The following NDC1 variants were observed in gnomAD, a reference collection of about 807,000 sequenced individuals.
NDC1 encodes nucleoporin NDC1.
A neutral mutation model predicts 89.8 loss-of-function variants in NDC1; 24 were observed. That is an observed-to-expected ratio of 0.27 (90% CI 0.19 to 0.38). The LOEUF (loss-of-function observed/expected upper bound fraction) is 0.38. NDC1 is among the 10% of genes least tolerant of loss of function. The probability of loss-of-function intolerance (pLI) is 1.00; values close to 1 mark genes in which losing one functional copy is unlikely to be tolerated. For synonymous variants in NDC1, 296 were observed against 284.8 expected, an observed-to-expected ratio of 1.04 and a Z score of -0.39; for missense variants, 728 against 797.6, an observed-to-expected ratio of 0.91 and a Z score of 1.05.
intron 9 of NDC1, 104 bp downstream of exon 9, chr1:53,806,321 T>C: frequency 1.5e-6 from 1 of 669,244 alleles, no homozygotes; most frequent in Non-Finnish European, 2.3e-6. Flanking sequence ...TACAAGAATA[T>C]TATAGGCCCT....
intron 10 of NDC1, among the ~76,000 whole-genome samples, chr1:53,801,054 A>G (rs1647895228): frequency 6.6e-6 from 1 of 151,812 alleles, no homozygotes; most frequent in African/African-American, 2.4e-5. Flanking sequence ...CCAAAAGTCT[A>G]CAAGCAAAAA....
At chr1:53,781,380 A>G (rs1342292307) in intron 16 of NDC1, among the ~76,000 whole-genome samples, 1 of 152,234 alleles carries the variant, frequency 6.6e-6, no homozygotes, top group Non-Finnish European at 1.5e-5. Context: ...AAACAGCTGC[A>G]AATATGTTGG....
chr1:53,797,020 G>A lies in NDC1; in HGVS notation c.1347C>T (p.Thr449=), dbSNP rs370005624. 1 of 1,614,070 alleles carries A rather than the reference G, an allele frequency of 6.2e-7. No homozygotes were observed. The highest frequency in any genetic ancestry group is 1.3e-5 in the African/African-American group (1 of 74,988). ...STPDVVSPFG[T]PFGSSVMNRM... ...GATTCATTACACTAGAGCCAAATGG[G>A]GTCCCAAATGGGCTCACAACATCAG... The change falls in exon 12 of 18, where the codon ACC becomes ACT. Residue 449 remains threonine (T), a synonymous_variant. Transcript: ENST00000371429.
chr1:53,807,629 T>C, intron 8 of NDC1, 27 bp downstream of exon 8: 1 of 1,581,316 alleles, frequency 6.3e-7, no homozygotes, highest in Non-Finnish European at 8.6e-7. Context: ...ACAAAAGTAT[T>C]AAGAAAAAAT....
intron 14 of NDC1, among the ~76,000 whole-genome samples, chr1:53,790,740 C>A (rs1306457782): frequency 6.6e-6 from 1 of 152,018 alleles, no homozygotes; most frequent in Non-Finnish European, 1.5e-5. Context: ...ACAACAACAA[C>A]AAAACTGCCT....
chr1:53,778,160 A>G (rs1647177099), intron 16 of NDC1, among the ~76,000 whole-genome samples: 1 of 152,046 alleles, frequency 6.6e-6, no homozygotes, highest in South Asian at 2.1e-4. Flanking sequence ...TAATCTGAAT[A>G]TTCAGTTAAC....
rs1285257877 is a variant in NDC1, at chr1:53,797,079, T to C, written c.1288A>G (p.Lys430Glu). ...MPRPSVPPLVKTSLFSSKLST... is the reference protein window; with the variant it reads ...MPRPSVPPLVETSLFSSKLST... Reference sequence around the variant, plus strand: ...AATTTTGAAGAAAACAGTGATGTTTTAACTAATGGTGGCACTGAAGGCCGA... The same window carrying C: ...AATTTTGAAGAAAACAGTGATGTTTCAACTAATGGTGGCACTGAAGGCCGA... Residue 430 changes from lysine (K) to glutamate (E), a missense_variant, in exon 12 of 18, where the codon AAA (lysine) becomes GAA (glutamate). By Grantham distance (56) the Lys-to-Glu change is moderately conservative. Transcript: ENST00000371429. 1.2e-6 allele frequency: 2 copies of C among 1,613,894 alleles called. No homozygotes were observed. The highest frequency in any genetic ancestry group is 3.3e-5 in the Admixed American group (2 of 59,994).
chr1:53,824,455 T>G (rs1038230682), intron 5 of NDC1, among the ~76,000 whole-genome samples: 2 of 152,198 alleles, frequency 1.3e-5, no homozygotes, highest in Admixed American at 6.5e-5. Flanking sequence ...TATAATAATA[T>G]ACCATTTGTT....
intron 16 of NDC1, among the ~76,000 whole-genome samples, chr1:53,784,974 G>C (rs543390211): frequency 2.0e-5 from 3 of 151,148 alleles, no homozygotes; most frequent in African/African-American, 4.9e-5. Flanking sequence ...AAAAAAAAGC[G>C]GGGGAGGGAT....
intron 1 of NDC1, among the ~76,000 whole-genome samples, chr1:53,836,073 G>A (rs1323602393): frequency 1.3e-5 from 2 of 152,170 alleles, no homozygotes; most frequent in Non-Finnish European, 2.9e-5. Flanking sequence ...TATCATATAG[G>A]AGGAAAATAT....
chr1:53,783,245 C>G (rs112154802), intron 16 of NDC1, among the ~76,000 whole-genome samples: 1 of 151,424 alleles, frequency 6.6e-6, no homozygotes, highest in East Asian at 1.9e-4. Context: ...ATTACCCACA[C>G]AGACTCTGAA....
intron 15 of NDC1, among the ~76,000 whole-genome samples, chr1:53,788,250 T>C (rs915401406): frequency 7.2e-5 from 11 of 151,930 alleles, no homozygotes; most frequent in Admixed American, 2.0e-4. Flanking sequence ...GCTATGATCA[T>C]GCCATTGAAC....
intron 10 of NDC1, among the ~76,000 whole-genome samples, chr1:53,802,832 T>C (rs1410271551): frequency 1.3e-5 from 2 of 152,226 alleles, no homozygotes; most frequent in African/African-American, 4.8e-5. Context: ...TCAGAGTTGC[T>C]GAGAGCATCC....
At chr1:53,776,007 T>G (rs1026977921) in intron 16 of NDC1, among the ~76,000 whole-genome samples, 1 of 149,978 alleles carries the variant, frequency 6.7e-6, no homozygotes, top group African/African-American at 2.5e-5. Flanking sequence ...TTGGCTGGAG[T>G]GCAGTGGCAC....
chr1:53,773,658 C>T (rs916714053), intron 16 of NDC1, among the ~76,000 whole-genome samples: 3 of 152,132 alleles, frequency 2.0e-5, no homozygotes, highest in African/African-American at 7.2e-5. Context: ...GGGGCGTGAA[C>T]CTTCAACTCA....
At chr1:53,826,504 T>G (rs2100689331) in intron 4 of NDC1, among the ~76,000 whole-genome samples, 1 of 152,314 alleles carries the variant, frequency 6.6e-6, no homozygotes, top group South Asian at 2.1e-4. Flanking sequence ...CTGTTTGAAC[T>G]GCCTGAAGGA....
intron 17 of NDC1, among the ~76,000 whole-genome samples, chr1:53,768,610 A>C (rs1176156685): frequency 6.6e-6 from 1 of 152,200 alleles, no homozygotes; most frequent in Non-Finnish European, 1.5e-5. Flanking sequence ...AATTAGGGCA[A>C]ATATATACTG....
intron 5 of NDC1, among the ~76,000 whole-genome samples, chr1:53,822,613 G>A (rs1648710924): frequency 1.3e-5 from 2 of 151,596 alleles, no homozygotes; most frequent in South Asian, 4.2e-4. Flanking sequence ...TTACCAGTGG[G>A]ACAAAGATTG....
rs1481818966 is a variant in NDC1, at chr1:53,800,718, C to T, written c.1197G>A (p.Val399=). The change falls in exon 11 of 18, where the codon GTG becomes GTA. Residue 399 remains valine, a synonymous_variant. Transcript: ENST00000371429. The part of the protein sequence containing the change: ...TNGRVSSSYP[V]EPKKLNSPEE... ...CTGGAGAATTTAATTTCTTAGGTTC[C>T]ACTGGGTAAGATGAAGACACTCTCC... 2 of 1,613,864 alleles carry T rather than the reference C, an allele frequency of 1.2e-6. No individual in the cohort carries two copies. The highest frequency in any genetic ancestry group is 2.7e-5 in the African/African-American group (2 of 74,900).
Sources: allele counts gnomAD v4.1 joint callset (sites outside exome capture counted in the v4.1 genomes callset), GRCh38; gene constraint gnomAD v4.1.1; transcripts MANE v1.5; gene names NCBI Gene and HGNC (gene_info 2026-07-23, HGNC 2026-07-21).